The following RNF115 variants were observed in gnomAD, a reference collection of about 807,000 sequenced individuals.
RNF115 encodes ring finger protein 115.
RNF115 carries 31 observed loss-of-function variants against 39.2 expected under a neutral mutation model. The observed-to-expected ratio is 0.79, with a 90% confidence interval of 0.59 to 1.07. The LOEUF is 1.07. Among genes scored for constraint, RNF115 ranks in the 50% least tolerant of loss-of-function variants. The pLI is 0.00. For synonymous variants in RNF115, 124 were observed against 131.0 expected, an observed-to-expected ratio of 0.95 and a Z score of 0.37; for missense variants, 384 against 381.7, an observed-to-expected ratio of 1.01 and a Z score of -0.05.
At position 145,773,803 on chromosome 1, in the gene RNF115, T is replaced by G. The variant is rs200174669; in HGVS notation, c.220-1884A>C. ...TATTGTTTGCCCTGTTTTTTTTTTT[T>G]CTTTTTTTGGTTTTTTTGTTTGTTT... On this transcript the variant is annotated intron_variant, in intron 3 of 8. Coordinates refer to ENST00000582693, the MANE Select transcript of RNF115 (RefSeq NM_014455.4). 2.0e-5 allele frequency: 3 copies of G among 152,232 alleles called. 1 individual carries two copies. Among genetic ancestry groups the G allele is most frequent in the Middle Eastern group, 6.8e-3 (2 of 294 alleles). 9.4% of individuals were successfully genotyped at this position (152,232 alleles called of 1,614,324 possible).
intron 1 of RNF115, among the ~76,000 whole-genome samples, chr1:145,808,199 T>C (rs188528286): frequency 6.6e-6 from 1 of 152,352 alleles, no homozygotes; most frequent in East Asian, 1.9e-4. Context: ...TTCCTCTGGA[T>C]AACTACCCAG....
intron 3 of RNF115, 104 bp from the exon 4 acceptor site, chr1:145,772,023 G>T: frequency 1.1e-6 from 1 of 899,658 alleles, no homozygotes; most frequent in Non-Finnish European, 1.7e-6. Flanking sequence ...GAATATTACT[G>T]TATGTCTTCT....
intron 1 of RNF115, among the ~76,000 whole-genome samples, chr1:145,803,771 GCTT>G (rs1273988451): frequency 6.6e-6 from 1 of 152,162 alleles, no homozygotes; most frequent in African/African-American, 2.4e-5. Context: ...AATCAACCAA[GCTT>G]CTTTAGCTCA....
intron 1 of RNF115, among the ~76,000 whole-genome samples, chr1:145,800,846 T>C (rs1649202138): frequency 6.6e-6 from 1 of 152,116 alleles, no homozygotes; most frequent in African/African-American, 2.4e-5. Flanking sequence ...TAGGCAATAA[T>C]AGAAAATCAG....
At chr1:145,779,097 C>CAT (rs587732568) in intron 3 of RNF115, among the ~76,000 whole-genome samples, 68 of 152,128 alleles carry the variant, frequency 4.5e-4, no homozygotes, top group African/African-American at 1.6e-3. Context: ...GATCAACCAT[C>CAT]ATATATAACT....
chr1:145,795,571 G>C (rs1648940612), intron 1 of RNF115, among the ~76,000 whole-genome samples: 3 of 152,082 alleles, frequency 2.0e-5, no homozygotes, highest in Admixed American at 2.0e-4. Flanking sequence ...GCTTTAGCTA[G>C]ACACAAAAGT....
intron 4 of RNF115, among the ~76,000 whole-genome samples, chr1:145,763,594 G>C (rs1232143575): frequency 6.6e-6 from 1 of 152,162 alleles, no homozygotes; most frequent in Non-Finnish European, 1.5e-5. Flanking sequence ...AGCTACTTGG[G>C]AGGCTGAGGC....
chr1:145,815,495 T>C (rs1333542290), intron 1 of RNF115, among the ~76,000 whole-genome samples: 4 of 152,280 alleles, frequency 2.6e-5, no homozygotes, highest in Non-Finnish European at 5.9e-5. Flanking sequence ...AAGGTAACAT[T>C]CCCTGACCTT....
At chr1:145,806,081 C>T (rs587763909) in intron 1 of RNF115, among the ~76,000 whole-genome samples, 31 of 152,274 alleles carry the variant, frequency 2.0e-4, no homozygotes, top group African/African-American at 7.5e-4. Flanking sequence ...GGCACAGTGG[C>T]TCACGACTAT....
intron 1 of RNF115, among the ~76,000 whole-genome samples, chr1:145,794,734 C>T (rs1481087093): frequency 6.6e-6 from 1 of 151,550 alleles, no homozygotes; most frequent in African/African-American, 2.4e-5. Flanking sequence ...ATGGTGTGTC[C>T]TGACCAGGCG....
intron 1 of RNF115, among the ~76,000 whole-genome samples, chr1:145,790,024 T>A (rs1648591185): frequency 6.6e-6 from 1 of 152,170 alleles, no homozygotes; most frequent in African/African-American, 2.4e-5. Flanking sequence ...TATTATACTC[T>A]GGCAAATATA....
intron 1 of RNF115, among the ~76,000 whole-genome samples, chr1:145,790,036 A>T (rs976262671): frequency 6.6e-6 from 1 of 152,144 alleles, no homozygotes; most frequent in Non-Finnish European, 1.5e-5. Context: ...GCAAATATAG[A>T]ATTCCATAAA....
chr1:145,788,880 C>A (rs782679159), intron 2 of RNF115, 28 bp downstream of exon 2: 2 of 1,520,188 alleles, frequency 1.3e-6, no homozygotes, highest in Non-Finnish European at 9.1e-7. Context: ...AATAGAATGT[C>A]TGATTTATTC....
At chr1:145,812,615 G>A (rs61816211) in intron 1 of RNF115, among the ~76,000 whole-genome samples, 9,866 of 150,500 alleles carry the variant, frequency 0.066, 330 homozygotes, top group African/African-American at 0.23. Flanking sequence ...AGCCAAGATC[G>A]CACCACTGCA....
chr1:145,758,427 C>T (rs1357693892), intron 4 of RNF115, among the ~76,000 whole-genome samples: 2 of 152,188 alleles, frequency 1.3e-5, no homozygotes, highest in African/African-American at 2.4e-5. Flanking sequence ...TGATTATAAC[C>T]TCATGAAGCC....
At chr1:145,821,483 G>A (rs1334260171) in intron 1 of RNF115, among the ~76,000 whole-genome samples, 12 of 29,428 alleles carry the variant, frequency 4.1e-4, no homozygotes, top group African/African-American at 1.2e-3. Context: ...TTTTTTTTTT[G>A]AGACAGGGTC....
intron 1 of RNF115, among the ~76,000 whole-genome samples, chr1:145,814,581 TAA>T (rs879991996): frequency 1.5e-4 from 21 of 142,256 alleles, no homozygotes; most frequent in South Asian, 2.3e-4. Context: ...AAACTCCGTT[TAA>T]AAAAAAAAAA....
intron 4 of RNF115, among the ~76,000 whole-genome samples, chr1:145,768,248 CGCCCA>C (rs1647468948): frequency 6.6e-6 from 1 of 152,240 alleles, no homozygotes; most frequent in South Asian, 2.1e-4. Context: ...TCCAGGCCAG[CGCCCA>C]CCCCTGTGGC....
intron 1 of RNF115, among the ~76,000 whole-genome samples, chr1:145,800,606 G>A (rs1372959595): frequency 6.6e-6 from 1 of 152,130 alleles, no homozygotes; most frequent in Non-Finnish European, 1.5e-5. Flanking sequence ...GCTGGATAAA[G>A]AGGCCATCTC....
Sources: gnomAD v4.1 joint callset for allele counts (sites outside exome capture counted in the v4.1 genomes callset) on GRCh38, gnomAD v4.1.1 for gene constraint, MANE v1.5 for transcripts, NCBI Gene and HGNC (gene_info 2026-07-23, HGNC 2026-07-21) for gene names.